SAXO1: variants seen among roughly 807,000 people sequenced by gnomAD.
SAXO1 encodes stabilizer of axonemal microtubules 1.
A neutral mutation model predicts 17.5 loss-of-function variants in SAXO1; 21 were observed. The observed-to-expected ratio is 1.20, with a 90% confidence interval of 0.85 to 1.72. SAXO1 has a LOEUF of 1.72. Ranked by LOEUF, SAXO1 falls within the 40% of genes most tolerant of loss-of-function variation. The pLI, the probability that SAXO1 is intolerant of heterozygous loss-of-function variation, is 0.00. For missense variants in SAXO1, 843 were observed against 596.0 expected, an observed-to-expected ratio of 1.41 and a Z score of -4.32; for synonymous variants, 274 against 216.5, an observed-to-expected ratio of 1.27 and a Z score of -2.33.
chr9:18,940,528 C>T (rs991231893), intron 3 of SAXO1, among the ~76,000 whole-genome samples: 2 of 152,184 alleles, frequency 1.3e-5, no homozygotes, highest in Admixed American at 6.5e-5. Flanking sequence ...TCCCTCCAAC[C>T]TCCCTACCTC....
intron 1 of SAXO1, among the ~76,000 whole-genome samples, chr9:19,016,851 G>A (rs1456843235): frequency 6.1e-5 from 4 of 66,014 alleles, no homozygotes; most frequent in African/African-American, 1.9e-4. Context: ...GATACCTTTC[G>A]TTTGATGAAT....
chr9:19,033,317 G>C (rs1397829565), upstream of SAXO1: 1 of 182,534 alleles, frequency 5.5e-6, no homozygotes, highest in Non-Finnish European at 1.1e-5. Context: ...CCGCTTGTGA[G>C]GTCGGGAAGC....
At chr9:19,023,423 C>T (rs1588550858) in intron 1 of SAXO1, among the ~76,000 whole-genome samples, 1 of 152,172 alleles carries the variant, frequency 6.6e-6, no homozygotes, top group African/African-American at 2.4e-5. Flanking sequence ...CTCAATAACT[C>T]TGTTGAGTCA....
intron 1 of SAXO1, among the ~76,000 whole-genome samples, chr9:18,971,127 G>C (rs1832926551): frequency 6.6e-6 from 1 of 152,126 alleles, no homozygotes; most frequent in Non-Finnish European, 1.5e-5. Flanking sequence ...GCTACCAAAG[G>C]GAGTGATTTT....
chr9:19,023,546 C>G (rs1283575645), intron 1 of SAXO1, among the ~76,000 whole-genome samples: 4 of 152,130 alleles, frequency 2.6e-5, no homozygotes, highest in Non-Finnish European at 5.9e-5. Context: ...GGATTTGAAC[C>G]AAGATAGGCT....
chr9:18,931,613 G>C (rs1230122499), intron 3 of SAXO1, among the ~76,000 whole-genome samples: 1 of 152,188 alleles, frequency 6.6e-6, no homozygotes, highest in Non-Finnish European at 1.5e-5. Context: ...TGGAGAAGTA[G>C]ATGTGCCATT....
At chr9:19,047,755 A>G (rs957702686) in intron 1 of SAXO1, among the ~76,000 whole-genome samples, 2 of 152,242 alleles carry the variant, frequency 1.3e-5, no homozygotes, top group Non-Finnish European at 1.5e-5. Context: ...GTAAAAACAA[A>G]GAAATTTTCA....
At chr9:19,045,137 C>T (rs567463006) in intron 1 of SAXO1, among the ~76,000 whole-genome samples, 2 of 149,480 alleles carry the variant, frequency 1.3e-5, no homozygotes, top group Non-Finnish European at 3.0e-5. Flanking sequence ...GGTGAAACCC[C>T]GTCTCTACTA....
chr9:19,042,051 A>C (rs946248424), intron 1 of SAXO1, among the ~76,000 whole-genome samples: 2 of 152,232 alleles, frequency 1.3e-5, no homozygotes, highest in African/African-American at 4.8e-5. Flanking sequence ...CCATCTGATA[A>C]AAAATTAATC....
At chr9:19,016,058 C>T (rs149304151) in intron 1 of SAXO1, among the ~76,000 whole-genome samples, 1 of 152,296 alleles carries the variant, frequency 6.6e-6, no homozygotes, top group Middle Eastern at 3.4e-3. Context: ...GGGAAGGGCA[C>T]CATCATGAGA....
chr9:18,993,775 A>G (rs904882554), intron 1 of SAXO1, among the ~76,000 whole-genome samples: 4 of 152,196 alleles, frequency 2.6e-5, no homozygotes, highest in African/African-American at 9.7e-5. Context: ...GTAAGCTACC[A>G]TATTACCATA....
intron 1 of SAXO1, among the ~76,000 whole-genome samples, chr9:19,022,578 C>A (rs548291864): frequency 1.2e-4 from 19 of 152,108 alleles, no homozygotes; most frequent in African/African-American, 4.6e-4. Flanking sequence ...AGAAATTGGA[C>A]CATTATGGGG....
intron 1 of SAXO1, among the ~76,000 whole-genome samples, chr9:19,022,368 C>G (rs1462375628): frequency 6.6e-6 from 1 of 152,206 alleles, no homozygotes; most frequent in East Asian, 1.9e-4. Flanking sequence ...GTGAGTGAGA[C>G]CAAGAATCCA....
At chr9:19,044,116 G>C (rs1166898700) in intron 1 of SAXO1, among the ~76,000 whole-genome samples, 6 of 149,998 alleles carry the variant, frequency 4.0e-5, no homozygotes, top group Admixed American at 4.0e-4. Flanking sequence ...TCCAGCCTGG[G>C]CAATGGAGTG....
At chr9:19,030,201 C>G (rs1039774043) in intron 1 of SAXO1, among the ~76,000 whole-genome samples, 1 of 152,000 alleles carries the variant, frequency 6.6e-6, no homozygotes, top group African/African-American at 2.4e-5. Flanking sequence ...AAAGGGACAT[C>G]AGCAGGTCCA....
intron 1 of SAXO1, among the ~76,000 whole-genome samples, chr9:19,048,975 T>A (rs1288868325): frequency 6.6e-6 from 1 of 152,246 alleles, no homozygotes; most frequent in Non-Finnish European, 1.5e-5. Context: ...AGTCTCACTT[T>A]CCGCGCCTGC....
chr9:19,014,266 G>C (rs1033769721), intron 1 of SAXO1, among the ~76,000 whole-genome samples: 14 of 151,934 alleles, frequency 9.2e-5, no homozygotes, highest in African/African-American at 3.1e-4. Flanking sequence ...TGCAAGACCA[G>C]CCTGGCCAAC....
At chr9:19,031,095 C>A (rs1300153009) in intron 1 of SAXO1, among the ~76,000 whole-genome samples, 1 of 152,208 alleles carries the variant, frequency 6.6e-6, no homozygotes, top group East Asian at 1.9e-4. Flanking sequence ...TGAGTCATAA[C>A]CCTACTGCAG....
upstream of SAXO1, among the ~76,000 whole-genome samples, chr9:19,035,640 C>T (rs145151570): frequency 2.0e-5 from 3 of 152,304 alleles, no homozygotes; most frequent in East Asian, 5.8e-4. Flanking sequence ...TTCCTAGAGA[C>T]TTGTTGAATG....
Sources: gnomAD v4.1 joint callset for allele counts (sites outside exome capture counted in the v4.1 genomes callset) on GRCh38, gnomAD v4.1.1 for gene constraint, MANE v1.5 for transcripts, NCBI Gene and HGNC (gene_info 2026-07-23, HGNC 2026-07-21) for gene names.